The following NR2E1 variants were observed in gnomAD, a reference collection of about 807,000 sequenced individuals.
NR2E1 encodes nuclear receptor subfamily 2 group E member 1, also known as nuclear receptor TLX.
Under a neutral mutation model 43.6 loss-of-function variants are expected in NR2E1, and 5 were observed. That is an observed-to-expected ratio of 0.11 (90% CI 0.06 to 0.24). The LOEUF (loss-of-function observed/expected upper bound fraction) is 0.24, where lower values mean the gene tolerates loss of function less well. Ranked by LOEUF, NR2E1 falls within the 10% of genes least tolerant of loss-of-function variation. The pLI is 1.00. For missense variants in NR2E1, 287 were observed against 496.7 expected, an observed-to-expected ratio of 0.58 and a Z score of 4.01; for synonymous variants, 191 against 195.5, an observed-to-expected ratio of 0.98 and a Z score of 0.19.
intron 8 of NR2E1, 127 bp from the exon 9 acceptor site, chr6:108,187,174 C>A: frequency 8.9e-7 from 1 of 1,129,404 alleles, no homozygotes; most frequent in Non-Finnish European, 1.3e-6. Context: ...AACTTTGCTG[C>A]AGGGATACTG....
chr6:108,178,019 GA>G lies in NR2E1; in HGVS notation c.496-73del. The G allele has an allele frequency of 2.0e-6, 3 of 1,488,914 alleles. No homozygotes were observed. The South Asian group carries it at 3.4e-5, about 17-fold the overall frequency. 92.2% of individuals were successfully genotyped at this position (1,488,914 alleles called of 1,614,324 possible). On this transcript the variant is annotated intron_variant, in intron 4 of 8. Transcript: ENST00000368986. ...TTTATCCCCTTCCTTGCTTTAATTA[GA>G]AATTAAAAGTTTGGTTCTTCTTGCA... is the stretch of plus-strand genomic sequence containing the variant.
Position 108,187,387 on chromosome 6 carries a change from T to C in NR2E1, c.1082T>C (p.Val361Ala). 6.2e-7 allele frequency: 1 copy of C among 1,614,228 alleles called. No homozygotes were observed. The highest frequency in any genetic ancestry group is 8.5e-7 in the Non-Finnish European group (1 of 1,180,034). Residue 361 changes from valine to alanine, a missense_variant, in exon 9 of 9, where the codon GTG becomes GCG. By Grantham distance (64) the Val-to-Ala change is moderately conservative. Around this residue, in one of 4 missense-constraint regions of NR2E1, gnomAD observed 119 missense variants for 187.0 expected, o/e 0.64. Coordinates refer to ENST00000368986, the MANE Select transcript of NR2E1 (RefSeq NM_003269.5). Reference protein sequence around the residue: ...RSISPSTIEEVFFKKTIGNVP... With the variant: ...RSISPSTIEEAFFKKTIGNVP... Reference sequence around the variant, plus strand: ...ATTAGCCCATCAACTATAGAAGAAGTGTTTTTCAAAAAAACCATCGGCAAT... The same window carrying C: ...ATTAGCCCATCAACTATAGAAGAAGCGTTTTTCAAAAAAACCATCGGCAAT...
At chr6:108,176,330 G>A in intron 3 of NR2E1, 173 bp from the exon 4 acceptor site, 1 of 632,800 alleles carries the variant, frequency 1.6e-6, no homozygotes, top group Non-Finnish European at 2.8e-6. Flanking sequence ...GTAGTGGTTA[G>A]ACGATCTCAG....
Position 108,176,681 on chromosome 6 carries a change from G to A in NR2E1, c.438G>A (p.Ala146=), listed in dbSNP as rs967585334. ...AGCCGCACGGCCTGGAGCTGGCCGCGGTGTCCACCACTCCAGAGCGGCAGA... is the reference window on the plus strand; with the variant it reads ...AGCCGCACGGCCTGGAGCTGGCCGCAGTGTCCACCACTCCAGAGCGGCAGA... The part of the protein sequence containing the change: ...QLEPHGLELA[A]VSTTPERQTL... Residue 146 remains alanine (A), a synonymous_variant, in exon 4 of 9, where the codon GCG becomes GCA. Coordinates refer to ENST00000368986, the MANE Select transcript of NR2E1 (RefSeq NM_003269.5). 14 of 1,599,496 alleles carry A rather than the reference G, an allele frequency of 8.8e-6. No individual in the cohort carries two copies. In the East Asian group the frequency reaches 9.0e-5, roughly 10 times the overall value.
At chr6:108,185,899 C>T (rs1582451831) in intron 8 of NR2E1, among the ~76,000 whole-genome samples, 1 of 152,188 alleles carries the variant, frequency 6.6e-6, no homozygotes, top group Non-Finnish European at 1.5e-5. Context: ...TTATTTCTCA[C>T]AGTGGTTTCT....
chr6:108,183,754 A>G (rs1435045741), intron 8 of NR2E1, among the ~76,000 whole-genome samples: 1 of 152,258 alleles, frequency 6.6e-6, no homozygotes, highest in Non-Finnish European at 1.5e-5. Context: ...CTATGTTGAC[A>G]GATAGTGCAC....
intron 1 of NR2E1, among the ~76,000 whole-genome samples, chr6:108,171,057 T>C (rs1414306408): frequency 3.3e-5 from 5 of 152,152 alleles, no homozygotes; most frequent in Non-Finnish European, 7.3e-5. Context: ...TTCAAGTTTG[T>C]CTCCTCGCGC....
chr6:108,178,699 T>G (rs1384252126), intron 5 of NR2E1, among the ~76,000 whole-genome samples: 3 of 152,244 alleles, frequency 2.0e-5, no homozygotes, highest in African/African-American at 4.8e-5. Flanking sequence ...TATTCTCCAT[T>G]GCGATGCTCC....
intron 8 of NR2E1, among the ~76,000 whole-genome samples, chr6:108,182,083 A>C (rs1773999637): frequency 6.6e-6 from 1 of 151,916 alleles, no homozygotes. Flanking sequence ...TAAATAATAC[A>C]AAAAAATTAG....
chr6:108,173,854 C>G (rs896418536), intron 2 of NR2E1, among the ~76,000 whole-genome samples: 6 of 152,168 alleles, frequency 3.9e-5, no homozygotes, highest in African/African-American at 1.2e-4. Flanking sequence ...CCAAAGGAAA[C>G]TTTATCTGTA....
chr6:108,178,695 C>T (rs1458699629), intron 5 of NR2E1, among the ~76,000 whole-genome samples: 2 of 152,154 alleles, frequency 1.3e-5, no homozygotes, highest in African/African-American at 2.4e-5. Context: ...TTTATATTCT[C>T]CATTGCGATG....
intron 2 of NR2E1, among the ~76,000 whole-genome samples, chr6:108,171,837 T>A (rs1003515248): frequency 6.6e-6 from 1 of 152,174 alleles, no homozygotes; most frequent in Non-Finnish European, 1.5e-5. Context: ...TCCTAGAGCC[T>A]CCCTACACTT....
At chr6:108,174,761 C>T in intron 2 of NR2E1, 75 bp from the exon 3 acceptor site, 1 of 1,327,058 alleles carries the variant, frequency 7.5e-7, no homozygotes, top group Non-Finnish European at 1.1e-6. Context: ...CACACCGTTT[C>T]CCCGCCCGGG....
chr6:108,170,173 T>C (rs993797867), intron 1 of NR2E1, among the ~76,000 whole-genome samples: 4 of 151,928 alleles, frequency 2.6e-5, no homozygotes, highest in African/African-American at 9.7e-5. Flanking sequence ...CCCATCGTAG[T>C]CCCCAACCCA....
At position 108,166,638 on chromosome 6, in the gene NR2E1, C is replaced by A; in HGVS notation, c.-128C>A. On this transcript the variant is annotated 5_prime_UTR_variant, in exon 1 of 9. Transcript: ENST00000368986. The surrounding 1 kb of genome is among the most constrained non-coding windows in gnomAD (Gnocchi z 7.2). ...CAGCGCAGCGCGCGACTGACACCCA[C>A]CTGTCCCGCCCAGGAGCCTTGCAGG... The A allele has an allele frequency of 1.4e-6, 1 of 709,592 alleles. No homozygotes were observed. The highest frequency in any genetic ancestry group is 2.2e-6 in the Non-Finnish European group (1 of 458,710). 44.0% of individuals were successfully genotyped at this position (709,592 alleles called of 1,614,324 possible). A position where few individuals can be genotyped will look rare whatever the true frequency, so the allele number is the denominator to read the frequency against.
At chr6:108,181,843 A>C (rs1270681275) in intron 8 of NR2E1, among the ~76,000 whole-genome samples, 192 bp downstream of exon 8, 1 of 152,226 alleles carries the variant, frequency 6.6e-6, no homozygotes, top group African/African-American at 2.4e-5. Flanking sequence ...AGATGATCAA[A>C]GTGAAAGCAC....
chr6:108,182,845 C>T (rs1025999158), intron 8 of NR2E1, among the ~76,000 whole-genome samples: 1 of 151,636 alleles, frequency 6.6e-6, no homozygotes, highest in African/African-American at 2.4e-5. Flanking sequence ...GTGTGAGCCA[C>T]CATGCCCGGC....
intron 4 of NR2E1, among the ~76,000 whole-genome samples, chr6:108,177,835 T>C (rs1773924420): frequency 6.6e-6 from 1 of 152,134 alleles, no homozygotes; most frequent in Admixed American, 6.5e-5. Context: ...CTGCAGGGGA[T>C]AGAAAAGCCA....
intron 3 of NR2E1, 41 bp from the exon 4 acceptor site, chr6:108,176,462 T>C: frequency 2.5e-6 from 4 of 1,593,350 alleles, no homozygotes; most frequent in Non-Finnish European, 3.4e-6. Flanking sequence ...TGTCTCGACG[T>C]CTCTAATCGC....
Sources: allele counts gnomAD v4.1 joint callset (sites outside exome capture counted in the v4.1 genomes callset), GRCh38; gene constraint gnomAD v4.1.1; regional missense constraint gnomAD v4.1.1; non-coding constraint Gnocchi (gnomAD v3.1); transcripts MANE v1.5; gene names NCBI Gene and HGNC (gene_info 2026-07-23, HGNC 2026-07-21).